Variants in PTPRJ observed in about 807,000 individuals in gnomAD.
The protein encoded by PTPRJ is protein tyrosine phosphatase receptor type J.
A neutral mutation model predicts 141.3 loss-of-function variants in PTPRJ; 129 were observed. That is an observed-to-expected ratio of 0.91 (90% CI 0.79 to 1.06). The LOEUF (loss-of-function observed/expected upper bound fraction) is 1.06, where lower values mean the gene tolerates loss of function less well. Ranked by LOEUF, PTPRJ falls within the 50% of genes least tolerant of loss-of-function variation. The pLI is 0.00. For synonymous variants in PTPRJ, 610 were observed against 640.5 expected, an observed-to-expected ratio of 0.95 and a Z score of 0.72; for missense variants, 1,601 against 1,679.7, an observed-to-expected ratio of 0.95 and a Z score of 0.82.
At chr11:48,059,370 G>C (rs967972113) in intron 1 of PTPRJ, among the ~76,000 whole-genome samples, 6 of 152,060 alleles carry the variant, frequency 3.9e-5, no homozygotes, top group Admixed American at 2.6e-4. Flanking sequence ...TGATCCACCT[G>C]CCTTGGCCTC....
intron 1 of PTPRJ, among the ~76,000 whole-genome samples, chr11:48,004,122 C>T (rs79680178): frequency 0.018 from 2,748 of 152,252 alleles, 31 homozygotes; most frequent in Non-Finnish European, 0.027. Flanking sequence ...TTAGCTCTAA[C>T]GTGATTGTTG....
At chr11:48,023,914 G>C (rs1439074443) in intron 1 of PTPRJ, among the ~76,000 whole-genome samples, 1 of 151,568 alleles carries the variant, frequency 6.6e-6, no homozygotes, top group East Asian at 1.9e-4. Flanking sequence ...TTTTGATTAT[G>C]TGTGCCATCC....
chr11:48,074,579 C>A (rs1335627002), intron 1 of PTPRJ, among the ~76,000 whole-genome samples: 1 of 152,186 alleles, frequency 6.6e-6, no homozygotes, highest in African/African-American at 2.4e-5. Flanking sequence ...TCTAATTAGA[C>A]CCTTTCTCCT....
chr11:48,060,959 G>A (rs575002958), intron 1 of PTPRJ, among the ~76,000 whole-genome samples: 25 of 152,162 alleles, frequency 1.6e-4, no homozygotes, highest in Non-Finnish European at 3.2e-4. Flanking sequence ...CCACCATGGC[G>A]GACACTACTG....
At chr11:48,126,477 T>C (rs1375639525) in intron 6 of PTPRJ, among the ~76,000 whole-genome samples, 1 of 151,948 alleles carries the variant, frequency 6.6e-6, no homozygotes, top group East Asian at 1.9e-4. Context: ...ACAATGAACA[T>C]TTATTTCTCA....
At position 48,170,297 on chromosome 11, in the gene PTPRJ, C is replaced by T. The variant is rs757180587; in HGVS notation, c.*2935C>T. On this transcript the variant is annotated 3_prime_UTR_variant, in exon 25 of 25. Coordinates refer to ENST00000418331, the MANE Select transcript of PTPRJ (RefSeq NM_002843.4). The stretch of plus-strand genomic sequence containing the variant: ...AAGTTGGATCTAGTGATGATCAGCA[C>T]CAGCAGGAAATGACATTTGGTGTCT... 3.3e-5 allele frequency: 5 copies of T among 152,060 alleles called. No individual in the cohort carries two copies. The highest frequency in any genetic ancestry group is 5.9e-5 in the Non-Finnish European group (4 of 68,034). 9.4% of individuals were successfully genotyped at this position (152,060 alleles called of 1,614,324 possible). A position where few individuals can be genotyped will look rare whatever the true frequency, so the allele number is the denominator to read the frequency against.
intron 15 of PTPRJ, among the ~76,000 whole-genome samples, chr11:48,148,440 A>G (rs1002687162): frequency 2.8e-5 from 4 of 143,974 alleles, no homozygotes; most frequent in African/African-American, 7.6e-5. Flanking sequence ...TTTCATCACA[A>G]TTTTTTTTTT....
intron 1 of PTPRJ, among the ~76,000 whole-genome samples, chr11:48,073,013 T>C (rs897586532): frequency 5.1e-4 from 77 of 152,220 alleles, no homozygotes; most frequent in African/African-American, 1.9e-3. Flanking sequence ...ATGTCCAAAT[T>C]AATTTAAGTG....
At position 48,168,158 on chromosome 11, in the gene PTPRJ, G is replaced by T. The variant is rs915943620; in HGVS notation, c.*796G>T. ...TGTTGGCAACATTTTCAACCCATTG[G>T]TTGGGTGAGAATGGCGACTCAAATA... On this transcript the variant is annotated 3_prime_UTR_variant, in exon 25 of 25. Coordinates refer to ENST00000418331, the MANE Select transcript of PTPRJ (RefSeq NM_002843.4). 1 of 152,028 alleles carries T rather than the reference G, an allele frequency of 6.6e-6. No homozygotes were observed. Among genetic ancestry groups the T allele is most frequent in the Non-Finnish European group, 1.5e-5 (1 of 68,024 alleles). 9.4% of individuals were successfully genotyped at this position (152,028 alleles called of 1,614,324 possible).
Position 47,980,627 on chromosome 11 carries a change from G to A in PTPRJ, c.-286G>A, listed in dbSNP as rs1853871019. On this transcript the variant is annotated 5_prime_UTR_variant, in exon 1 of 25. Coordinates refer to ENST00000418331, the MANE Select transcript of PTPRJ (RefSeq NM_002843.4). ...GCGGGAGCCGGGACCGGGTAGCCGC[G>A]CGCTGGGGGTGGGCGCCGCTCGCTC... The A allele has an allele frequency of 3.0e-6, 3 of 983,790 alleles. No homozygotes were observed. Among genetic ancestry groups the A allele is most frequent in the African/African-American group, 1.8e-5 (1 of 56,920 alleles). 60.9% of individuals were successfully genotyped at this position (983,790 alleles called of 1,614,324 possible).
chr11:48,148,091 C>T (rs1045218239), intron 15 of PTPRJ, among the ~76,000 whole-genome samples: 4 of 152,262 alleles, frequency 2.6e-5, no homozygotes, highest in Middle Eastern at 3.4e-3. Context: ...GGGATCTGCC[C>T]GCCTCAGCCT....
chr11:48,105,056 G>A (rs1412107846), intron 1 of PTPRJ, among the ~76,000 whole-genome samples: 2 of 152,136 alleles, frequency 1.3e-5, no homozygotes, highest in Non-Finnish European at 2.9e-5. Flanking sequence ...CTGGACGGTA[G>A]CAAAGGGTTT....
chr11:48,097,209 T>C (rs1270244960), intron 1 of PTPRJ, among the ~76,000 whole-genome samples: 1 of 152,114 alleles, frequency 6.6e-6, no homozygotes, highest in Admixed American at 6.5e-5. Flanking sequence ...ATGCTCGTCC[T>C]CATAGAAGGA....
chr11:48,126,907 A>G (rs1316549719), intron 6 of PTPRJ, among the ~76,000 whole-genome samples: 1 of 152,040 alleles, frequency 6.6e-6, no homozygotes, highest in Non-Finnish European at 1.5e-5. Context: ...AAACCATCAG[A>G]GGACATTGTT....
At chr11:48,009,886 C>T (rs1044651065) in intron 1 of PTPRJ, among the ~76,000 whole-genome samples, 1 of 152,230 alleles carries the variant, frequency 6.6e-6, no homozygotes, top group Non-Finnish European at 1.5e-5. Flanking sequence ...TGGCTCTGAT[C>T]AGACCAAACA....
intron 1 of PTPRJ, among the ~76,000 whole-genome samples, chr11:48,049,536 A>G (rs1250104400): frequency 1.4e-5 from 2 of 146,720 alleles, no homozygotes; most frequent in Non-Finnish European, 2.9e-5. Flanking sequence ...AAAACAAAAC[A>G]AAACAAAACA....
At chr11:48,112,366 G>A (rs1372452494) in intron 2 of PTPRJ, among the ~76,000 whole-genome samples, 1 of 152,192 alleles carries the variant, frequency 6.6e-6, no homozygotes, top group Admixed American at 6.5e-5. Context: ...GTCAAGAGTG[G>A]TCTCTGCTGC....
chr11:48,075,624 G>C (rs1855379524), intron 1 of PTPRJ, among the ~76,000 whole-genome samples: 1 of 151,806 alleles, frequency 6.6e-6, no homozygotes, highest in Non-Finnish European at 1.5e-5. Context: ...GTGGAGATGG[G>C]TTCTCACTGT....
chr11:48,097,611 C>T (rs1028486289), intron 1 of PTPRJ, among the ~76,000 whole-genome samples: 1 of 151,476 alleles, frequency 6.6e-6, no homozygotes, highest in Non-Finnish European at 1.5e-5. Flanking sequence ...GATCTCAGCT[C>T]ACTGCAACCT....
Sources: allele counts gnomAD v4.1 joint callset (sites outside exome capture counted in the v4.1 genomes callset), GRCh38; gene constraint gnomAD v4.1.1; transcripts MANE v1.5; gene names NCBI Gene and HGNC (gene_info 2026-07-23, HGNC 2026-07-21).